Variants in LRFN5 observed in about 807,000 individuals in gnomAD.
The protein encoded by LRFN5 is leucine-rich repeat and fibronectin type-III domain-containing protein 5.
LRFN5 carries 24 observed loss-of-function variants against 45.6 expected under a neutral mutation model. That is an observed-to-expected ratio of 0.53 (90% CI 0.38 to 0.74). The LOEUF (loss-of-function observed/expected upper bound fraction) is 0.74, where lower values mean the gene tolerates loss of function less well. LRFN5 is among the 30% of genes least tolerant of loss of function. LRFN5 has a pLI of 0.00. For synonymous variants in LRFN5, 340 were observed against 313.8 expected (o/e 1.08, Z -0.88); for missense variants, 776 against 861.5 (o/e 0.90, Z 1.24).
At chr14:41,729,106 A>G (rs1566640098) in intron 1 of LRFN5, among the ~76,000 whole-genome samples, 1 of 152,288 alleles carries the variant, frequency 6.6e-6, no homozygotes, top group East Asian at 1.9e-4. Flanking sequence ...TGTGGTTTGA[A>G]CATTTGTCCT....
chr14:41,700,804 T>C (rs1594627649), intron 1 of LRFN5: 1 of 152,194 alleles, frequency 6.6e-6, no homozygotes, highest in East Asian at 1.9e-4. Flanking sequence ...AAATTTCTTG[T>C]CCAGAAACAG....
At chr14:41,827,534 C>G (rs760559246) in intron 2 of LRFN5, among the ~76,000 whole-genome samples, 2 of 151,686 alleles carry the variant, frequency 1.3e-5, no homozygotes, top group Admixed American at 6.6e-5. Flanking sequence ...CAAAATGTAT[C>G]AAAGGAAAAT....
chr14:41,759,126 C>T (rs1885538801), intron 1 of LRFN5, among the ~76,000 whole-genome samples: 1 of 152,054 alleles, frequency 6.6e-6, no homozygotes, highest in Non-Finnish European at 1.5e-5. Context: ...TAATACCTCT[C>T]ACATCAAAAC....
At position 41,821,487 on chromosome 14, in the gene LRFN5, T is replaced by C. The variant is rs146246033; in HGVS notation, c.-21+54458T>C. On this transcript the variant is annotated intron_variant, in intron 2 of 5. Transcript: ENST00000298119. ...TTATCCTGCAATAAAACCTACTTGATTATAATATAATAACTTTTTGATGTG... is the reference window on the plus strand; with the variant it reads ...TTATCCTGCAATAAAACCTACTTGACTATAATATAATAACTTTTTGATGTG... Among the ~76,000 whole-genome samples the C allele has an allele frequency of 3.6e-3, 553 of 152,132 alleles. 1 individual carries two copies. The highest frequency in any genetic ancestry group is 6.1e-3 in the Non-Finnish European group (412 of 67,920).
At chr14:41,617,773 C>A (rs189323915) in intron 1 of LRFN5, among the ~76,000 whole-genome samples, 26 of 152,212 alleles carry the variant, frequency 1.7e-4, no homozygotes, top group Admixed American at 1.7e-3. Flanking sequence ...GCAGGAGGGA[C>A]TGACATGCCA....
intron 2 of LRFN5, among the ~76,000 whole-genome samples, chr14:41,839,199 CTT>C (rs1888771024): frequency 6.6e-6 from 1 of 152,008 alleles, no homozygotes; most frequent in Non-Finnish European, 1.5e-5. Flanking sequence ...GCTATCTCCT[CTT>C]TGCATGTATA....
At chr14:41,673,805 C>T (rs1258941410) in intron 1 of LRFN5, among the ~76,000 whole-genome samples, 2 of 148,124 alleles carry the variant, frequency 1.4e-5, no homozygotes, top group Admixed American at 6.7e-5. Context: ...GGGGTGACCC[C>T]CCCCACCTCA....
chr14:41,617,423 T>G (rs1387466515), intron 1 of LRFN5, among the ~76,000 whole-genome samples: 2 of 152,166 alleles, frequency 1.3e-5, no homozygotes, highest in South Asian at 4.1e-4. Flanking sequence ...AAGAGGATGC[T>G]CTGTTGGCTA....
chr14:41,831,576 C>T (rs1321950282), intron 2 of LRFN5, among the ~76,000 whole-genome samples: 2 of 152,066 alleles, frequency 1.3e-5, no homozygotes, highest in African/African-American at 4.8e-5. Context: ...ATGCTTGGTA[C>T]ATGCTAGTTA....
intron 1 of LRFN5, among the ~76,000 whole-genome samples, chr14:41,738,936 A>C (rs984178752): frequency 5.3e-5 from 8 of 152,252 alleles, no homozygotes; most frequent in African/African-American, 1.9e-4. Flanking sequence ...AGTTCATCTA[A>C]CAGCAGTGAA....
intron 1 of LRFN5, among the ~76,000 whole-genome samples, chr14:41,708,823 A>G (rs1366380559): frequency 6.6e-6 from 1 of 151,928 alleles, no homozygotes; most frequent in East Asian, 1.9e-4. Context: ...TAAAATCAAT[A>G]TTCTTCATAG....
intron 2 of LRFN5, among the ~76,000 whole-genome samples, chr14:41,806,285 T>C (rs1308341391): frequency 6.6e-6 from 1 of 152,178 alleles, no homozygotes; most frequent in Non-Finnish European, 1.5e-5. Context: ...ACTGCCTTCA[T>C]TGTGCTCAGC....
At chr14:41,714,246 A>AT (rs1410985749) in intron 1 of LRFN5, among the ~76,000 whole-genome samples, 3 of 152,144 alleles carry the variant, frequency 2.0e-5, no homozygotes, top group Admixed American at 6.5e-5. Flanking sequence ...TCTTTAGTTG[A>AT]TATTTAGAGG....
At chr14:41,895,098 G>A (rs1014335555) in intron 4 of LRFN5, 81 of 972,286 alleles carry the variant, frequency 8.3e-5, no homozygotes, top group Non-Finnish European at 8.9e-5. Flanking sequence ...TATTAACGAT[G>A]TTTACTTCAA....
In LRFN5 at chr14:41,643,478, G is replaced by A. The variant is rs113306926; in HGVS notation, c.-197+34916G>A. 6.3e-3 allele frequency among the ~76,000 whole-genome samples: 957 copies of A among 152,044 alleles called. 16 individuals carry two copies. Among genetic ancestry groups the A allele is most frequent in the African/African-American group, 0.022 (932 of 41,478 alleles). On this transcript the variant is annotated intron_variant, in intron 1 of 5. Transcript: ENST00000298119. ...TTCCCCCCACATACATATCTTCTCGGCACACAAACCATGTGTGTTAGCTTC... is the reference window on the plus strand; with the variant it reads ...TTCCCCCCACATACATATCTTCTCGACACACAAACCATGTGTGTTAGCTTC...
intron 1 of LRFN5, among the ~76,000 whole-genome samples, chr14:41,618,991 G>A (rs1365884135): frequency 6.6e-6 from 1 of 151,994 alleles, no homozygotes; most frequent in Non-Finnish European, 1.5e-5. Flanking sequence ...TTATAACGTA[G>A]TGACTTATCA....
chr14:41,792,472 TC>T (rs1375522778), intron 2 of LRFN5, among the ~76,000 whole-genome samples: 1 of 151,914 alleles, frequency 6.6e-6, no homozygotes, highest in Non-Finnish European at 1.5e-5. Context: ...TCAGTCCTTA[TC>T]TCAACCACAT....
intron 2 of LRFN5, among the ~76,000 whole-genome samples, chr14:41,853,134 T>G (rs2139079628): frequency 6.6e-6 from 1 of 152,080 alleles, no homozygotes; most frequent in Non-Finnish European, 1.5e-5. Flanking sequence ...GTCTCCAAAT[T>G]TAAGAATGAA....
chr14:41,755,892 A>C (rs1885352257), intron 1 of LRFN5, among the ~76,000 whole-genome samples: 1 of 152,220 alleles, frequency 6.6e-6, no homozygotes, highest in African/African-American at 2.4e-5. Context: ...ATGATTTTGC[A>C]GTGGCTGGTA....
Sources: gnomAD v4.1 joint callset for allele counts (sites outside exome capture counted in the v4.1 genomes callset) on GRCh38, gnomAD v4.1.1 for gene constraint, MANE v1.5 for transcripts, NCBI Gene and HGNC (gene_info 2026-07-23, HGNC 2026-07-21) for gene names.